Variants in UNC13A observed in about 807,000 individuals in gnomAD.
UNC13A encodes the protein protein unc-13 homolog A.
In UNC13A, 61 loss-of-function variants were observed where a neutral mutation model predicts 219.7. That is an observed-to-expected ratio of 0.28 (90% CI 0.23 to 0.34). The LOEUF is 0.34. Among genes scored for constraint, UNC13A ranks in the 10% least tolerant of loss-of-function variants. The pLI is 1.00. For synonymous variants in UNC13A, 920 were observed against 884.6 expected (o/e 1.04, Z -0.71); for missense variants, 1,476 against 2,270.3 (o/e 0.65, Z 7.11).
At chr19:17,630,011 C>T in intron 30 of UNC13A, 134 bp downstream of exon 30, 1 of 1,070,352 alleles carries the variant, frequency 9.3e-7, no homozygotes, top group Non-Finnish European at 1.3e-6. Flanking sequence ...AACCCAAACT[C>T]CAACTTCAAT....
At chr19:17,623,266 G>A in intron 36 of UNC13A, 1 of 440,700 alleles carries the variant, frequency 2.3e-6, no homozygotes, top group South Asian at 4.3e-5. Context: ...CAGGTCCGCT[G>A]CGAAGGAGGA....
At chr19:17,654,414 G>T (rs2079412136) in intron 11 of UNC13A, among the ~76,000 whole-genome samples, 1 of 152,148 alleles carries the variant, frequency 6.6e-6, no homozygotes, top group African/African-American at 2.4e-5. Flanking sequence ...TCAAAAAATA[G>T]ATTTCTATTT....
In UNC13A at chr19:17,615,367, G is replaced by A. The variant is rs1029642505; in HGVS notation, c.4558+2335C>T. On this transcript the variant is annotated intron_variant, in intron 41 of 43. Coordinates refer to ENST00000519716, the MANE Select transcript of UNC13A (RefSeq NM_001080421.3). Reference sequence around the variant, plus strand: ...ATTGCACTCCAGCCTGGGTGACAGCGTCTGCCTCAAATTAAAAACAAAATG... The same window carrying A: ...ATTGCACTCCAGCCTGGGTGACAGCATCTGCCTCAAATTAAAAACAAAATG... 7.9e-5 allele frequency among the ~76,000 whole-genome samples: 12 copies of A among 151,988 alleles called. No homozygotes were observed. The East Asian group carries it at 1.6e-3, about 20-fold the overall frequency.
chr19:17,683,083 AAAG>A (rs1489918325), intron 1 of UNC13A, among the ~76,000 whole-genome samples: 2 of 152,012 alleles, frequency 1.3e-5, no homozygotes, highest in Non-Finnish European at 2.9e-5. Context: ...AAATAAATAG[AAAG>A]AAGAAGGCAA....
At chr19:17,610,655 C>T (rs11667637) in intron 42 of UNC13A, among the ~76,000 whole-genome samples, 8,642 of 152,162 alleles carry the variant, frequency 0.057, 324 homozygotes, top group South Asian at 0.11. Context: ...AGGGAGTGAA[C>T]CCCAAACTTT....
intron 4 of UNC13A, 71 bp downstream of exon 4, chr19:17,672,307 T>C: frequency 8.1e-7 from 1 of 1,230,672 alleles, no homozygotes; most frequent in Non-Finnish European, 1.2e-6. Context: ...GCCCATCTTG[T>C]TTAGTCCACT....
chr19:17,640,034 G>C, intron 22 of UNC13A, 126 bp from the exon 23 acceptor site: 1 of 981,920 alleles, frequency 1.0e-6, no homozygotes, highest in Non-Finnish European at 1.5e-6. Flanking sequence ...CCATTCTATG[G>C]CATTTTTTTT....
chr19:17,628,304 C>G, intron 31 of UNC13A: 3 of 232,192 alleles, frequency 1.3e-5, no homozygotes, highest in Non-Finnish European at 1.7e-5. Context: ...CAGTGACACA[C>G]TGAAGGCGTG....
chr19:17,640,375 G>T, intron 22 of UNC13A, 136 bp downstream of exon 22: 1 of 1,211,872 alleles, frequency 8.3e-7, no homozygotes, highest in Non-Finnish European at 1.1e-6. Context: ...ATAAATGGAG[G>T]CTCAGAGACG....
At position 17,616,184 on chromosome 19, in the gene UNC13A, A is replaced by G. The variant is rs563750052; in HGVS notation, c.4558+1518T>C. Among the ~76,000 whole-genome samples the G allele has an allele frequency of 3.2e-4, 49 of 152,218 alleles. 1 individual carries two copies. The South Asian group carries it at 9.1e-3, about 28-fold the overall frequency. ...GGCTTAAAAAATATGTCATATCAGGAGAAATGGATTCTGGGATTCCCACTG... is the reference window on the plus strand; with the variant it reads ...GGCTTAAAAAATATGTCATATCAGGGGAAATGGATTCTGGGATTCCCACTG... On this transcript the variant is annotated intron_variant, in intron 41 of 43. Transcript: ENST00000519716.
chr19:17,652,533 A>G, intron 12 of UNC13A, 98 bp downstream of exon 12: 1 of 1,493,596 alleles, frequency 6.7e-7, no homozygotes. Context: ...TCTAAATGGA[A>G]CCCCTCCTCC....
chr19:17,658,297 G>T (rs2079496146), intron 8 of UNC13A, 28 bp from the exon 9 acceptor site: 1 of 1,592,068 alleles, frequency 6.3e-7, no homozygotes. Flanking sequence ...TATGGGAAGA[G>T]GGTGAGGAAG....
At chr19:17,608,470 A>T (rs2076563623) in intron 43 of UNC13A, among the ~76,000 whole-genome samples, 1 of 139,208 alleles carries the variant, frequency 7.2e-6, no homozygotes, top group Non-Finnish European at 1.5e-5. Flanking sequence ...ATAAATACAT[A>T]TTTTATATAT....
chr19:17,686,848 G>A (rs1280362686), intron 1 of UNC13A, among the ~76,000 whole-genome samples: 1 of 151,882 alleles, frequency 6.6e-6, no homozygotes, highest in Non-Finnish European at 1.5e-5. Flanking sequence ...GAGGGGCGGC[G>A]GGGGCGGTTC....
chr19:17,617,670 G>C (rs776704681), intron 41 of UNC13A, 32 bp downstream of exon 41: 2 of 1,605,416 alleles, frequency 1.2e-6, no homozygotes, highest in Non-Finnish European at 1.7e-6. Context: ...TCCGCGGAGC[G>C]GGAAAGGGTG....
chr19:17,606,143 G>C lies in UNC13A; in HGVS notation c.5023C>G (p.Arg1675Gly). ...GLTVLRILSQRSNDEVAKEFV... is the reference protein window; with the variant it reads ...GLTVLRILSQGSNDEVAKEFV... ...TCCTTGGCCACCTCGTCGTTGCTGC[G>C]CTGCGAGAGGATTCGCAGCACCGTG... The change falls in exon 44 of 44, where the codon CGC becomes GGC. Residue 1675 changes from arginine (R) to glycine (G), a missense_variant. Physicochemically the swap from Arg to Gly is moderately radical, Grantham distance 125. Around this residue, in one of 14 missense-constraint regions of UNC13A, gnomAD observed 187 missense variants for 172.3 expected, o/e 1.09. Coordinates refer to ENST00000519716, the MANE Select transcript of UNC13A (RefSeq NM_001080421.3). The C allele has an allele frequency of 1.3e-6, 2 of 1,589,508 alleles. No homozygotes were observed. The highest frequency in any genetic ancestry group is 1.7e-6 in the Non-Finnish European group (2 of 1,169,758).
intron 25 of UNC13A, among the ~76,000 whole-genome samples, chr19:17,638,829 CA>C (rs568496890): frequency 0.032 from 4,764 of 146,834 alleles, 101 homozygotes; most frequent in Non-Finnish European, 0.041. Context: ...AACTTTATCT[CA>C]AAAAAAAAAA....
chr19:17,618,272 CAGCCCAGCTCT>C, intron 40 of UNC13A, 138 bp downstream of exon 40: 1 of 867,932 alleles, frequency 1.2e-6, no homozygotes, highest in Non-Finnish European at 1.8e-6. Context: ...CAGCATTAGC[CAGCCCAGCTCT>C]GGCACAGACA....
At chr19:17,638,841 A>T (rs183778179) in intron 25 of UNC13A, among the ~76,000 whole-genome samples, 18,568 of 149,654 alleles carry the variant, frequency 0.12, 1,256 homozygotes, top group Middle Eastern at 0.17. Flanking sequence ...AAAAAAAAAA[A>T]TTTTTTTTTA....
Sources: allele counts gnomAD v4.1 joint callset (sites outside exome capture counted in the v4.1 genomes callset), GRCh38; gene constraint gnomAD v4.1.1; regional missense constraint gnomAD v4.1.1; transcripts MANE v1.5; gene names NCBI Gene and HGNC (gene_info 2026-07-23, HGNC 2026-07-21).